Variants in GLG1 observed in about 807,000 individuals in gnomAD.
GLG1 encodes the protein golgi glycoprotein 1.
In GLG1, 38 loss-of-function variants were observed where a neutral mutation model predicts 160.5. That is an observed-to-expected ratio of 0.24 (90% CI 0.18 to 0.31). The LOEUF (loss-of-function observed/expected upper bound fraction) is 0.31. Ranked by LOEUF, GLG1 falls within the 10% of genes least tolerant of loss-of-function variation. GLG1 has a pLI of 1.00. For synonymous variants in GLG1, 644 were observed against 543.4 expected (o/e 1.19, Z -2.57); for missense variants, 1,373 against 1,505.2 (o/e 0.91, Z 1.45).
intron 2 of GLG1, 125 bp from the exon 3 acceptor site, chr16:74,509,050 A>T: frequency 2.0e-6 from 1 of 488,592 alleles, no homozygotes; most frequent in South Asian, 4.2e-5. Flanking sequence ...CACATCAGAT[A>T]ACAAACAAAG....
intron 25 of GLG1, 160 bp downstream of exon 25, chr16:74,456,489 T>A (rs1278641703): frequency 3.3e-6 from 2 of 608,158 alleles, no homozygotes; most frequent in African/African-American, 3.8e-5. Context: ...CACTTATTGC[T>A]AGTCTCACAA....
At chr16:74,535,847 A>T (rs1433865914) in intron 1 of GLG1, among the ~76,000 whole-genome samples, 2 of 152,214 alleles carry the variant, frequency 1.3e-5, no homozygotes, top group Non-Finnish European at 2.9e-5. Flanking sequence ...AATCGCTATG[A>T]AGAATTGTTA....
Position 74,487,058 on chromosome 16 carries a change from C to T in GLG1, c.1450-1141G>A, listed in dbSNP as rs537906140. 1.1e-3 allele frequency among the ~76,000 whole-genome samples: 166 copies of T among 152,044 alleles called. 5 individuals carry two copies. The South Asian group carries it at 0.031, about 28-fold the overall frequency. On this transcript the variant is annotated intron_variant, in intron 8 of 25. Transcript: ENST00000422840. ...CCTCCTAAGTAGCTGGGACTACGGG[C>T]ATGTACCACCACTCCCGGCTAACTT...
intron 1 of GLG1, among the ~76,000 whole-genome samples, chr16:74,542,744 A>AGGAAGGAAGGAAGGAAGGAAGGAAG (rs2017920281): frequency 7.8e-5 from 1 of 12,858 alleles, no homozygotes; most frequent in African/African-American, 2.6e-4. Flanking sequence ...GGAGGAAGGA[A>AGGAAGGAAGGAAGGAAGGAAGGAAG]GGAAGGAAGG....
At chr16:74,508,134 G>C (rs575436748) in intron 3 of GLG1, among the ~76,000 whole-genome samples, 1 of 152,142 alleles carries the variant, frequency 6.6e-6, no homozygotes, top group Admixed American at 6.6e-5. Context: ...TCTTCCTTAA[G>C]AGCTCTGAAG....
At chr16:74,505,329 T>C (rs541759169) in intron 3 of GLG1, among the ~76,000 whole-genome samples, 9 of 152,354 alleles carry the variant, frequency 5.9e-5, no homozygotes, top group Admixed American at 3.3e-4. Context: ...TAGTAAATAA[T>C]AGTCTCACAC....
chr16:74,474,718 C>A, intron 12 of GLG1, 86 bp from the exon 13 acceptor site: 1 of 772,860 alleles, frequency 1.3e-6, no homozygotes, highest in Non-Finnish European at 2.4e-6. Flanking sequence ...TGACACTTCC[C>A]TTTTCAGTGG....
At chr16:74,586,064 G>GAAAAAAAAA (rs201949259) in intron 1 of GLG1, among the ~76,000 whole-genome samples, 1 of 120,878 alleles carries the variant, frequency 8.3e-6, no homozygotes, top group African/African-American at 3.0e-5. Flanking sequence ...CTCTGTATCG[G>GAAAAAAAAA]AAAAAAAAAA....
intron 2 of GLG1, among the ~76,000 whole-genome samples, chr16:74,518,404 C>T (rs2017055450): frequency 6.6e-6 from 1 of 152,172 alleles, no homozygotes; most frequent in Non-Finnish European, 1.5e-5. Flanking sequence ...CAGATGTCTA[C>T]CACCATCTGA....
At chr16:74,460,091 G>C (rs1161548449) in intron 22 of GLG1, among the ~76,000 whole-genome samples, 1 of 151,470 alleles carries the variant, frequency 6.6e-6, no homozygotes, top group African/African-American at 2.4e-5. Flanking sequence ...GCACGATCTC[G>C]GCTCACCGCA....
chr16:74,588,138 T>C (rs976122308), intron 1 of GLG1, among the ~76,000 whole-genome samples: 1 of 151,962 alleles, frequency 6.6e-6, no homozygotes, highest in Non-Finnish European at 1.5e-5. Context: ...AGCCCACTTG[T>C]GGGACAATAG....
intron 1 of GLG1, among the ~76,000 whole-genome samples, chr16:74,541,432 G>T (rs2017864921): frequency 6.6e-6 from 1 of 152,144 alleles, no homozygotes; most frequent in South Asian, 2.1e-4. Context: ...ATGTTTGAGA[G>T]GCAAAATGGA....
intron 23 of GLG1, among the ~76,000 whole-genome samples, chr16:74,458,789 T>C (rs2014663591): frequency 6.6e-6 from 1 of 152,222 alleles, no homozygotes; most frequent in African/African-American, 2.4e-5. Context: ...GGGCATAACA[T>C]CTACTACAAG....
intron 1 of GLG1, among the ~76,000 whole-genome samples, chr16:74,548,445 A>G (rs2018108672): frequency 6.6e-6 from 1 of 152,226 alleles, no homozygotes; most frequent in Non-Finnish European, 1.5e-5. Context: ...TATATTTAAG[A>G]AAGTTCTTTG....
Position 74,462,566 on chromosome 16 carries a change from A to G in GLG1, c.2856T>C (p.Gly952=), listed in dbSNP as rs2014843803. The change falls in exon 21 of 26, where the codon GGT becomes GGC. Residue 952 remains glycine (G), a synonymous_variant. Coordinates refer to ENST00000422840, the MANE Select transcript of GLG1 (RefSeq NM_001145667.2). The stretch of plus-strand genomic sequence containing the variant: ...AATCATCCTTGGCCTTAGTCAGGAT[A>G]CCGTGACAGAATTTAGGAATGTCAG... ...CKADIPKFCH[G]ILTKAKDDSE... is the part of the protein sequence containing the mutation. The G allele has an allele frequency of 3.1e-6, 5 of 1,613,486 alleles. No homozygotes were observed. The highest frequency in any genetic ancestry group is 3.4e-6 in the Non-Finnish European group (4 of 1,179,350).
intron 4 of GLG1, among the ~76,000 whole-genome samples, chr16:74,499,975 C>T (rs551577770): frequency 3.9e-5 from 6 of 152,146 alleles, no homozygotes; most frequent in Non-Finnish European, 7.3e-5. Flanking sequence ...TGCACTCCAG[C>T]CTGGGCGACA....
chr16:74,551,470 ATTTT>A (rs10570582), intron 1 of GLG1, among the ~76,000 whole-genome samples: 6 of 128,302 alleles, frequency 4.7e-5, no homozygotes, highest in African/African-American at 1.5e-4. Flanking sequence ...ATGTCTGGCT[ATTTT>A]TTTTTTTTTT....
At chr16:74,458,259 G>A in intron 23 of GLG1, 1 of 357,540 alleles carries the variant, frequency 2.8e-6, no homozygotes, top group Non-Finnish European at 5.1e-6. Flanking sequence ...TGTGTTTTTG[G>A]CATTCCCGTA....
rs552446059 is a variant in GLG1 at position 74,601,605 on chromosome 16, T to C, written c.438+5052A>G. Among the ~76,000 whole-genome samples the C allele has an allele frequency of 3.3e-5, 5 of 152,296 alleles. No individual in the cohort carries two copies. In the East Asian group the frequency reaches 9.6e-4, roughly 29 times the overall value. ...ATACAACTAAATGCTTCCAGTGTTC[T>C]AGTACAAATCCTGCTTAAGGTGAGT... On this transcript the variant is annotated intron_variant, in intron 1 of 25. Coordinates refer to ENST00000422840, the MANE Select transcript of GLG1 (RefSeq NM_001145667.2).
Sources: allele counts gnomAD v4.1 joint callset (sites outside exome capture counted in the v4.1 genomes callset), GRCh38; gene constraint gnomAD v4.1.1; transcripts MANE v1.5; gene names NCBI Gene and HGNC (gene_info 2026-07-23, HGNC 2026-07-21).